Variants in NTRK1 observed in about 807,000 individuals in gnomAD.
The protein encoded by NTRK1 is neurotrophic receptor tyrosine kinase 1.
A neutral mutation model predicts 86.8 loss-of-function variants in NTRK1; 62 were observed. The ratio of observed to expected loss-of-function variants is 0.71; its 90% CI spans 0.58 to 0.88. The LOEUF is 0.88. NTRK1 is among the 40% of genes least tolerant of loss of function. NTRK1 has a pLI of 0.00. For synonymous variants in NTRK1, 469 were observed against 456.6 expected (o/e 1.03, Z -0.35); for missense variants, 967 against 1,078.4 (o/e 0.90, Z 1.45).
intron 1 of NTRK1, among the ~76,000 whole-genome samples, chr1:156,835,106 A>T (rs1002673214): frequency 1.8e-4 from 27 of 152,140 alleles, no homozygotes; most frequent in Admixed American, 1.6e-3. Flanking sequence ...TAGCCCCAAA[A>T]TCCTGTAAAC....
intron 14 of NTRK1, among the ~76,000 whole-genome samples, chr1:156,878,663 C>G (rs1648061886): frequency 6.6e-6 from 1 of 152,114 alleles, no homozygotes; most frequent in Non-Finnish European, 1.5e-5. Flanking sequence ...AAGGAAGACC[C>G]CGTAGGAATG....
rs200301690 is a variant in NTRK1 at position 156,876,174 on chromosome 1, C to T, written c.1596C>T (p.Leu532=). The T allele has an allele frequency of 1.6e-5, 26 of 1,614,198 alleles. No homozygotes were observed. Among genetic ancestry groups the T allele is most frequent in the Admixed American group, 1.0e-4 (6 of 60,030 alleles). The change falls in exon 13 of 17, where the codon CTC becomes CTT. Residue 532 remains leucine, a synonymous_variant. Coordinates refer to ENST00000524377, the MANE Select transcript of NTRK1 (RefSeq NM_002529.4). ...TCTTCCTTGCTGAGTGCCACAACCT[C>T]CTGCCTGAGCAGGACAAGATGCTGG... The part of the protein sequence containing the change: ...GKVFLAECHN[L]LPEQDKMLVA...
chr1:156,876,664 C>A, intron 14 of NTRK1, 92 bp downstream of exon 14: 1 of 1,440,396 alleles, frequency 6.9e-7, no homozygotes, highest in Non-Finnish European at 9.5e-7. Context: ...TCTTTCAAAC[C>A]AAGGGGAGAC....
Position 156,847,810 on chromosome 1 carries a change from C to T in NTRK1, c.50+5617C>T, listed in dbSNP as rs988338800. On this transcript the variant is annotated intron_variant, in intron 2 of 16. Coordinates refer to the NTRK1 transcript ENST00000392302. ...CTCTGAGGGAGCATAGCTGCAGCCACGCTGCAGGGCAGTGATGTTAGGGAA... is the reference window on the plus strand; with the variant it reads ...CTCTGAGGGAGCATAGCTGCAGCCATGCTGCAGGGCAGTGATGTTAGGGAA... 3.3e-5 allele frequency among the ~76,000 whole-genome samples: 5 copies of T among 152,186 alleles called. No individual in the cohort carries two copies. The East Asian group carries it at 7.7e-4, about 24-fold the overall frequency.
intron 2 of NTRK1, chr1:156,846,200 G>C: frequency 7.2e-7 from 1 of 1,392,574 alleles, no homozygotes; most frequent in Middle Eastern, 1.9e-4. Flanking sequence ...TCCTTTCTGG[G>C]GTCCAACAGC....
rs552737370 is a variant in NTRK1, at chr1:156,874,058, G to A, written c.1177+99G>A. 10 of 1,304,104 alleles carry A rather than the reference G, an allele frequency of 7.7e-6. No individual in the cohort carries two copies. The South Asian group carries it at 1.3e-4, about 17-fold the overall frequency. 80.8% of individuals were successfully genotyped at this position (1,304,104 alleles called of 1,614,324 possible). A position where few individuals can be genotyped will look rare whatever the true frequency, so the allele number is the denominator to read the frequency against. On this transcript the variant is annotated intron_variant, in intron 8 of 16. Transcript: ENST00000524377. ...CCTGACCCCAGAAATTGGAGTGCCTGGTTCGGGACAGAAAGGAGTCTGGAG... is the reference window on the plus strand; with the variant it reads ...CCTGACCCCAGAAATTGGAGTGCCTAGTTCGGGACAGAAAGGAGTCTGGAG...
At chr1:156,846,757 G>A in intron 2 of NTRK1, 1 of 1,611,772 alleles carries the variant, frequency 6.2e-7, no homozygotes, top group Non-Finnish European at 8.5e-7. Flanking sequence ...TCTGGAATGG[G>A]CTGAACACCC....
intron 6 of NTRK1, 103 bp downstream of exon 6, chr1:156,868,750 AG>A: frequency 6.7e-7 from 1 of 1,482,354 alleles, no homozygotes; most frequent in Non-Finnish European, 9.1e-7. Flanking sequence ...ACAACGAATA[AG>A]GAGCACACTG....
At chr1:156,820,029 T>C (rs1654141207) in intron 1 of NTRK1, among the ~76,000 whole-genome samples, 1 of 152,244 alleles carries the variant, frequency 6.6e-6, no homozygotes, top group Admixed American at 6.5e-5. Flanking sequence ...TTTGGGGTCT[T>C]AGTCATGAAT....
At chr1:156,820,268 A>T (rs1654148283) in intron 1 of NTRK1, among the ~76,000 whole-genome samples, 2 of 152,218 alleles carry the variant, frequency 1.3e-5, no homozygotes, top group South Asian at 4.2e-4. Flanking sequence ...ATTTTTTGAA[A>T]CAGGGTCTCA....
At chr1:156,816,679 G>C (rs1285217245) in intron 1 of NTRK1, 1 of 1,602,054 alleles carries the variant, frequency 6.2e-7, no homozygotes, top group Middle Eastern at 1.7e-4. Flanking sequence ...ACTTACCTTG[G>C]GGACATATCT....
upstream of NTRK1, chr1:156,858,684 G>T (rs1655499710): frequency 7.1e-7 from 1 of 1,406,394 alleles, no homozygotes; most frequent in African/African-American, 1.4e-5. Flanking sequence ...GGAGAACGGT[G>T]TGATAAGCCC....
At chr1:156,852,906 C>T (rs189306034) in intron 2 of NTRK1, among the ~76,000 whole-genome samples, 2 of 152,294 alleles carry the variant, frequency 1.3e-5, no homozygotes, top group East Asian at 1.9e-4. Flanking sequence ...GCCCGCCCTG[C>T]TGCTGAGGCG....
intron 16 of NTRK1, 42 bp from the exon 17 acceptor site, chr1:156,881,415 C>G: frequency 6.5e-7 from 1 of 1,545,158 alleles, no homozygotes. Flanking sequence ...CTCTTGCCCC[C>G]AGCCTAGTGG....
At chr1:156,876,299 G>C (rs2102918454) in intron 13 of NTRK1, 89 bp downstream of exon 13, 1 of 1,610,464 alleles carries the variant, frequency 6.2e-7, no homozygotes, top group East Asian at 2.2e-5. Flanking sequence ...GAGATGCAGA[G>C]GGCTGACATG....
Position 156,868,395 on chromosome 1 carries a change from T to G in NTRK1, c.575-110T>G, listed in dbSNP as rs917090421. On this transcript the variant is annotated intron_variant, in intron 5 of 16. Coordinates refer to ENST00000524377, the MANE Select transcript of NTRK1 (RefSeq NM_002529.4). ...GGAAACTGCCTGGGGTGACATCGCCTGGGCTCCAGGTCATTGAGGAGGGTG... is the reference window on the plus strand; with the variant it reads ...GGAAACTGCCTGGGGTGACATCGCCGGGGCTCCAGGTCATTGAGGAGGGTG... 2.7e-5 allele frequency: 42 copies of G among 1,536,672 alleles called. No individual in the cohort carries two copies. The Admixed American group carries it at 2.7e-4, about 10-fold the overall frequency.
intron 2 of NTRK1, chr1:156,845,343 C>T (rs761787647): frequency 1.9e-6 from 3 of 1,606,414 alleles, no homozygotes; most frequent in Non-Finnish European, 2.6e-6. Context: ...AAAGCCACGC[C>T]CCTCAGCACC....
rs373807059 is a variant in NTRK1 at position 156,861,166 on chromosome 1, TG to T, written c.212+27del. On this transcript the variant is annotated intron_variant, in intron 1 of 16. Coordinates refer to ENST00000524377, the MANE Select transcript of NTRK1 (RefSeq NM_002529.4). ...TGAGCTGTGAGTGTCCGGCGGGCGG[TG>T]GGGGGGCGCGGGGACAGGCAGGCAT... 4.5e-6 allele frequency: 7 copies of T among 1,540,874 alleles called. No homozygotes were observed. Among genetic ancestry groups the T allele is most frequent in the African/African-American group, 1.4e-5 (1 of 73,162 alleles).
At position 156,874,892 on chromosome 1, in the gene NTRK1, C is replaced by A. The variant is rs1379388973; in HGVS notation, c.1252-14C>A. The A allele has an allele frequency of 6.3e-7, 1 of 1,594,122 alleles. No individual in the cohort carries two copies. Among genetic ancestry groups the A allele is most frequent in the Non-Finnish European group, 8.6e-7 (1 of 1,162,162 alleles). On this transcript the variant is annotated splice_polypyrimidine_tract_variant and intron_variant, in intron 10 of 16. Coordinates refer to ENST00000524377, the MANE Select transcript of NTRK1 (RefSeq NM_002529.4). ...GAGGAGCCCCTGGATCTAACTACCC[C>A]TGTCCCCCACCAGGTCTCGGTGGCT...
Sources: allele counts gnomAD v4.1 joint callset (sites outside exome capture counted in the v4.1 genomes callset), GRCh38; gene constraint gnomAD v4.1.1; transcripts MANE v1.5; gene names NCBI Gene and HGNC (gene_info 2026-07-23, HGNC 2026-07-21).